ESR1: variants seen among roughly 807,000 people sequenced by gnomAD.
ESR1 encodes the protein estrogen receptor 1.
A neutral mutation model predicts 52.7 loss-of-function variants in ESR1; 12 were observed. That is an observed-to-expected ratio of 0.23 (90% CI 0.15 to 0.37). The LOEUF (loss-of-function observed/expected upper bound fraction) is 0.37. ESR1 is among the 10% of genes least tolerant of loss of function. The pLI, the probability that ESR1 is intolerant of heterozygous loss-of-function variation, is 1.00. For synonymous variants in ESR1, 305 were observed against 316.8 expected (o/e 0.96, Z 0.39); for missense variants, 584 against 779.7 (o/e 0.75, Z 2.99).
chr6:152,070,135 G>A (rs1270069012), intron 6 of ESR1, among the ~76,000 whole-genome samples: 2 of 136,874 alleles, frequency 1.5e-5, no homozygotes, highest in Non-Finnish European at 3.0e-5. Context: ...TGATGTATAA[G>A]ATAGTGCAAA....
At chr6:151,706,964 T>C (rs1380111298) in intron 2 of ESR1, among the ~76,000 whole-genome samples, 1 of 152,196 alleles carries the variant, frequency 6.6e-6, no homozygotes, top group African/African-American at 2.4e-5. Flanking sequence ...TATATGACAC[T>C]GGCAGGATAG....
intron 1 of ESR1, among the ~76,000 whole-genome samples, chr6:151,816,478 T>G (rs1779666944): frequency 1.3e-5 from 2 of 152,220 alleles, no homozygotes; most frequent in Non-Finnish European, 2.9e-5. Flanking sequence ...CTTATAACAT[T>G]CCTGGCACAT....
At chr6:151,920,927 TTTTTAA>T (rs1319205115) in intron 3 of ESR1, among the ~76,000 whole-genome samples, 8 of 152,194 alleles carry the variant, frequency 5.3e-5, no homozygotes, top group East Asian at 1.9e-4. Context: ...GCTCATTTTT[TTTTTAA>T]TTTTAATTTT....
intron 3 of ESR1, among the ~76,000 whole-genome samples, chr6:151,917,490 TTAAAA>T (rs780762681): frequency 3.4e-4 from 52 of 152,216 alleles, no homozygotes; most frequent in Non-Finnish European, 6.2e-4. Context: ...AGAATTTTTA[TTAAAA>T]TAAAATACAC....
chr6:152,064,067 G>A (rs1048243894), intron 6 of ESR1, among the ~76,000 whole-genome samples: 1 of 152,144 alleles, frequency 6.6e-6, no homozygotes, highest in African/African-American at 2.4e-5. Context: ...GCCCCATTTA[G>A]AATAATTTAT....
chr6:151,755,740 C>T (rs946661731), intron 2 of ESR1, among the ~76,000 whole-genome samples: 14 of 152,074 alleles, frequency 9.2e-5, no homozygotes, highest in African/African-American at 3.1e-4. Flanking sequence ...AAGTGATTCT[C>T]CTGTCTCAGC....
At chr6:151,985,462 T>C in intron 4 of ESR1, among the ~76,000 whole-genome samples, 1 of 131,224 alleles carries the variant, frequency 7.6e-6, no homozygotes, top group Non-Finnish European at 1.5e-5. Context: ...GAGCCGAGAT[T>C]GCGCCACTGC....
chr6:151,712,311 C>T (rs1322160435), intron 2 of ESR1, among the ~76,000 whole-genome samples: 1 of 152,096 alleles, frequency 6.6e-6, no homozygotes, highest in Admixed American at 6.5e-5. Flanking sequence ...ATAGGATTTT[C>T]TTGGCTATAC....
intron 2 of ESR1, among the ~76,000 whole-genome samples, chr6:151,848,468 T>TA (rs1258810552): frequency 0.012 from 1,564 of 128,630 alleles, 28 homozygotes; most frequent in African/African-American, 0.042. Context: ...CACTAAAACT[T>TA]AGAGTATAAT....
intron 1 of ESR1, among the ~76,000 whole-genome samples, chr6:151,697,066 A>G (rs1014878635): frequency 5.3e-5 from 8 of 152,196 alleles, no homozygotes; most frequent in African/African-American, 1.7e-4. Context: ...CAGATGTCCT[A>G]TTAAGGAGCT....
chr6:151,820,488 G>C (rs1039602410), intron 1 of ESR1, among the ~76,000 whole-genome samples: 4 of 152,070 alleles, frequency 2.6e-5, no homozygotes, highest in Admixed American at 6.5e-5. Flanking sequence ...TTTATGGGAC[G>C]TAGAAACTAA....
intron 2 of ESR1, among the ~76,000 whole-genome samples, chr6:151,730,719 G>T (rs2982565): frequency 1.3e-5 from 2 of 152,086 alleles, no homozygotes; most frequent in Non-Finnish European, 2.9e-5. Flanking sequence ...ACATCACTAG[G>T]AACTAGACTG....
intron 1 of ESR1, among the ~76,000 whole-genome samples, chr6:151,680,018 T>C (rs1016843862): frequency 5.0e-4 from 76 of 152,194 alleles, no homozygotes; most frequent in African/African-American, 1.8e-3. Flanking sequence ...TTTCTTTCTA[T>C]ATATATTTTA....
intron 2 of ESR1, among the ~76,000 whole-genome samples, chr6:151,867,084 C>T (rs894582907): frequency 6.6e-6 from 1 of 152,052 alleles, no homozygotes; most frequent in Non-Finnish European, 1.5e-5. Flanking sequence ...GAAACTGGAC[C>T]CCTTCCTTAC....
intron 2 of ESR1, among the ~76,000 whole-genome samples, chr6:151,731,210 G>T (rs1415836747): frequency 6.6e-6 from 1 of 152,060 alleles, no homozygotes; most frequent in Non-Finnish European, 1.5e-5. Context: ...TATAAAATTA[G>T]CTGGGCGTGG....
At chr6:151,749,062 A>C (rs1255887582) in intron 2 of ESR1, among the ~76,000 whole-genome samples, 1 of 152,106 alleles carries the variant, frequency 6.6e-6, no homozygotes, top group Non-Finnish European at 1.5e-5. Flanking sequence ...ATATATATAA[A>C]TCAATAAGCA....
chr6:151,750,995 C>G (rs1783860778), intron 2 of ESR1, among the ~76,000 whole-genome samples: 1 of 152,192 alleles, frequency 6.6e-6, no homozygotes, highest in Non-Finnish European at 1.5e-5. Context: ...AGAACTGAAG[C>G]TTAAATAGCG....
At chr6:151,837,121 CTT>C (rs11372738) in intron 1 of ESR1, among the ~76,000 whole-genome samples, 22 of 134,380 alleles carry the variant, frequency 1.6e-4, no homozygotes, top group Non-Finnish European at 2.4e-4. Flanking sequence ...AGACATCCCT[CTT>C]TTTTTTTTTT....
At chr6:152,012,240 C>T (rs1385562559) in intron 5 of ESR1, among the ~76,000 whole-genome samples, 1 of 152,026 alleles carries the variant, frequency 6.6e-6, no homozygotes. Flanking sequence ...AGAAATTTGA[C>T]CAGAGTTCTG....
Sources: allele counts gnomAD v4.1 joint callset (sites outside exome capture counted in the v4.1 genomes callset), GRCh38; gene constraint gnomAD v4.1.1; transcripts MANE v1.5; gene names NCBI Gene and HGNC (gene_info 2026-07-23, HGNC 2026-07-21).